Variants in C2CD2 observed in about 807,000 individuals in gnomAD.
C2CD2 encodes C2 domain-containing protein 2.
In C2CD2, 43 loss-of-function variants were observed where a neutral mutation model predicts 74.3. That is an observed-to-expected ratio of 0.58 (90% CI 0.45 to 0.75). The LOEUF is 0.75. Ranked by LOEUF, C2CD2 falls within the 30% of genes least tolerant of loss-of-function variation. The probability of loss-of-function intolerance (pLI) is 0.00; values close to 1 mark genes in which losing one functional copy is unlikely to be tolerated. For synonymous variants in C2CD2, 422 were observed against 390.7 expected, an observed-to-expected ratio of 1.08 and a Z score of -0.94; for missense variants, 801 against 916.3, an observed-to-expected ratio of 0.87 and a Z score of 1.63.
intron 3 of C2CD2, among the ~76,000 whole-genome samples, chr21:41,921,234 C>T (rs1409864092): frequency 7.2e-5 from 11 of 152,304 alleles, no homozygotes; most frequent in Middle Eastern, 6.8e-3. Flanking sequence ...ACACGGGACA[C>T]GGGAGATGAA....
At chr21:41,907,307 G>A in intron 9 of C2CD2, 141 bp from the exon 10 acceptor site, 1 of 714,690 alleles carries the variant, frequency 1.4e-6, no homozygotes, top group Non-Finnish European at 2.4e-6. Flanking sequence ...AATTAACCTG[G>A]ATATTCCCAG....
At chr21:41,951,453 T>G (rs117317833) in intron 1 of C2CD2, among the ~76,000 whole-genome samples, 1,715 of 147,836 alleles carry the variant, frequency 0.012, 21 homozygotes, top group Middle Eastern at 0.029. Context: ...GGCCCTGGGT[T>G]GCTTTGAGCA....
intron 2 of C2CD2, among the ~76,000 whole-genome samples, chr21:41,937,471 A>C (rs1198628209): frequency 3.3e-5 from 5 of 152,234 alleles, no homozygotes; most frequent in African/African-American, 1.2e-4. Flanking sequence ...GATAACATAC[A>C]AAATATATGC....
chr21:41,943,431 C>T lies in C2CD2; in HGVS notation c.280-1186G>A, dbSNP rs531440967. On this transcript the variant is annotated intron_variant, in intron 1 of 13. Coordinates refer to ENST00000380486, the MANE Select transcript of C2CD2 (RefSeq NM_015500.2). Reference sequence around the variant, plus strand: ...TCTTGTCCAAGTCTTGTCTAGCTCTCGAGAGGCCAAACGTGTACATCAACA... The same window carrying T: ...TCTTGTCCAAGTCTTGTCTAGCTCTTGAGAGGCCAAACGTGTACATCAACA... Among the ~76,000 whole-genome samples, 8 of 152,322 alleles carry T rather than the reference C, an allele frequency of 5.3e-5. No homozygotes were observed. In the South Asian group the frequency reaches 1.7e-3, roughly 32 times the overall value.
Position 41,918,979 on chromosome 21 carries a change from T to C in C2CD2, c.493-19A>G, listed in dbSNP as rs763184441. On this transcript the variant is annotated intron_variant, in intron 3 of 13. Coordinates refer to ENST00000380486, the MANE Select transcript of C2CD2 (RefSeq NM_015500.2). The stretch of plus-strand genomic sequence containing the variant: ...ACTCCAGCTATTAAAAAACAAGTTA[T>C]TAGAGGGCCACTCTTTCCACCAAAG... 2 of 1,563,038 alleles carry C rather than the reference T, an allele frequency of 1.3e-6. No individual in the cohort carries two copies. Among genetic ancestry groups the C allele is most frequent in the African/African-American group, 2.7e-5 (2 of 73,890 alleles).
intron 2 of C2CD2, among the ~76,000 whole-genome samples, chr21:41,928,209 C>T (rs932806441): frequency 4.6e-5 from 7 of 152,244 alleles, no homozygotes; most frequent in South Asian, 2.1e-4. Context: ...CAACCTCCTA[C>T]GCCCCATGCT....
chr21:41,907,926 T>C (rs1472147658), intron 8 of C2CD2, 142 bp from the exon 9 acceptor site: 2 of 832,960 alleles, frequency 2.4e-6, no homozygotes, highest in African/African-American at 3.5e-5. Flanking sequence ...TTTCAGAATG[T>C]TTGAAAAATG....
In C2CD2 at chr21:41,953,460, C is replaced by T; in HGVS notation, c.189G>A (p.Leu63=). The change falls in exon 1 of 14, where the codon CTG becomes CTA. Residue 63 remains leucine (L), a synonymous_variant. Transcript: ENST00000380486. ...TGCCCAGCGTCAGGATCCAGGAGAG[C>T]AGCGCGTCGGACCCCGGGCGCGGCC... ...GEGPRPGSDA[L]LSWILTLGSW... The T allele has an allele frequency of 6.7e-7, 1 of 1,489,350 alleles. No homozygotes were observed. Among genetic ancestry groups the T allele is most frequent in the Middle Eastern group, 1.7e-4 (1 of 5,736 alleles). The allele number at this position is 1,489,350 out of a possible 1,614,324, so 92.3% of individuals were successfully genotyped here. A position where few individuals can be genotyped will look rare whatever the true frequency, so the allele number is the denominator to read the frequency against.
intron 2 of C2CD2, among the ~76,000 whole-genome samples, chr21:41,931,584 A>G (rs1191312191): frequency 1.3e-5 from 2 of 149,474 alleles, no homozygotes; most frequent in African/African-American, 2.4e-5. Context: ...CACCACGCCC[A>G]GCTAATTTTT....
rs140767263 is a variant in C2CD2, at chr21:41,899,264, C to T, written c.1659G>A (p.Arg553=). 2 of 1,612,146 alleles carry T rather than the reference C, an allele frequency of 1.2e-6. No individual in the cohort carries two copies. The highest frequency in any genetic ancestry group is 2.7e-5 in the African/African-American group (2 of 74,910). Residue 553 remains arginine, a synonymous_variant, in exon 13 of 14, where the codon AGG becomes AGA. Transcript: ENST00000380486. This position sits in a 1 kb window ranked among gnomAD's most constrained non-coding sequence, Gnocchi z 4.4. ...CCTCTGGCGGGGCAGAGGCTGCCGCCCTCTCCGGATGGGATGGGGCGTCCT... is the reference window on the plus strand; with the variant it reads ...CCTCTGGCGGGGCAGAGGCTGCCGCTCTCTCCGGATGGGATGGGGCGTCCT... ...HQEDAPSHPE[R]AAASAPPEEA...
chr21:41,902,100 T>C (rs1007216074), intron 11 of C2CD2, among the ~76,000 whole-genome samples: 46 of 152,198 alleles, frequency 3.0e-4, no homozygotes, highest in Non-Finnish European at 1.5e-5. Context: ...TACAAGATAC[T>C]CACTGAAGTG....
chr21:41,937,565 G>A lies in C2CD2; in HGVS notation c.378+4582C>T, dbSNP rs139654050. ...TTCTGTGGAGTCAAAAGTTATATAC[G>A]GATTTTTGATGGCACAAGGGGTCAG... On this transcript the variant is annotated intron_variant, in intron 2 of 13. Transcript: ENST00000380486. Among the ~76,000 whole-genome samples, 1,034 of 152,230 alleles carry A rather than the reference G, an allele frequency of 6.8e-3. 9 individuals carry two copies. Among genetic ancestry groups the A allele is most frequent in the African/African-American group, 0.023 (973 of 41,542 alleles).
chr21:41,910,708 G>A lies in C2CD2; in HGVS notation c.954-1185C>T, dbSNP rs373883840. On this transcript the variant is annotated intron_variant, in intron 7 of 13. Coordinates refer to ENST00000380486, the MANE Select transcript of C2CD2 (RefSeq NM_015500.2). The stretch of plus-strand genomic sequence containing the variant: ...AAAAGCTATACACACACACACACAC[G>A]GGAAATTTTCTTCCATTACTTTTTC... Among the ~76,000 whole-genome samples the A allele has an allele frequency of 2.1e-4, 32 of 150,844 alleles. 1 individual carries two copies. Among genetic ancestry groups the A allele is most frequent in the African/African-American group, 5.9e-4 (24 of 40,458 alleles).
At chr21:41,891,750 C>G (rs766122760) in intron 13 of C2CD2, among the ~76,000 whole-genome samples, 1 of 152,162 alleles carries the variant, frequency 6.6e-6, no homozygotes, top group Non-Finnish European at 1.5e-5. Context: ...ACTGCTCCAA[C>G]GTCACCCCCT....
In C2CD2 at chr21:41,932,153, G is replaced by A. The variant is rs1034882558; in HGVS notation, c.378+9994C>T. ...AATGATGTAATCCATCATGCCTAGC[G>A]AATGAATCCTCCATAAAAACCCTGA... On this transcript the variant is annotated intron_variant, in intron 2 of 13. Coordinates refer to ENST00000380486, the MANE Select transcript of C2CD2 (RefSeq NM_015500.2). Among the ~76,000 whole-genome samples, 8 of 149,352 alleles carry A rather than the reference G, an allele frequency of 5.4e-5. 1 individual carries two copies. The highest frequency in any genetic ancestry group is 1.9e-4 in the African/African-American group (8 of 41,092).
chr21:41,941,339 G>A (rs532407565), intron 2 of C2CD2, among the ~76,000 whole-genome samples: 2 of 152,148 alleles, frequency 1.3e-5, no homozygotes, highest in Middle Eastern at 6.3e-3. Context: ...CTGGGCAACA[G>A]AGCGAGATCC....
chr21:41,944,542 A>G (rs9982424), intron 1 of C2CD2, among the ~76,000 whole-genome samples: 3 of 146,800 alleles, frequency 2.0e-5, no homozygotes, highest in African/African-American at 7.5e-5. Flanking sequence ...AAAAAAAAAA[A>G]GAAAAGAAAA....
chr21:41,918,156 G>A lies in C2CD2; in HGVS notation c.669C>T (p.Ala223=), dbSNP rs754128363. ...TGGTAATCAGAACCACTGATGGAGAGGCAGAACCAGCCAAATGCTTCAAGA... is the reference window on the plus strand; with the variant it reads ...TGGTAATCAGAACCACTGATGGAGAAGCAGAACCAGCCAAATGCTTCAAGA... ...KDILKHLAGS[A]SPSVVLITKP... The change falls in exon 5 of 14, where the codon GCC becomes GCT. Residue 223 remains alanine, a synonymous_variant. Coordinates refer to ENST00000380486, the MANE Select transcript of C2CD2 (RefSeq NM_015500.2). The A allele has an allele frequency of 2.5e-6, 4 of 1,614,154 alleles. No individual in the cohort carries two copies. In the Admixed American group the frequency reaches 5.0e-5, roughly 20 times the overall value.
At position 41,953,652 on chromosome 21, in the gene C2CD2, G is replaced by A; in HGVS notation, c.-4C>T. ...AGCCCAGCCGGGCCATGGCCATGGC[G>A]CATCCCCGGCCCGCCTCGCCCCAAC... On this transcript the variant is annotated 5_prime_UTR_variant, in exon 1 of 14. Transcript: ENST00000380486. 2.8e-6 allele frequency: 4 copies of A among 1,430,052 alleles called. No homozygotes were observed. The highest frequency in any genetic ancestry group is 3.6e-6 in the Non-Finnish European group (4 of 1,097,506). The allele number at this position is 1,430,052 out of a possible 1,614,324, so 88.6% of individuals were successfully genotyped here.
Sources: gnomAD v4.1 joint callset for allele counts (sites outside exome capture counted in the v4.1 genomes callset) on GRCh38, gnomAD v4.1.1 for gene constraint, Gnocchi (gnomAD v3.1) non-coding constraint, MANE v1.5 for transcripts, NCBI Gene and HGNC (gene_info 2026-07-23, HGNC 2026-07-21) for gene names.